The following NUP155 variants were observed in gnomAD, a reference collection of about 807,000 sequenced individuals.
NUP155 encodes nuclear pore complex protein Nup155.
NUP155 carries 71 observed loss-of-function variants against 180.4 expected under a neutral mutation model. That is an observed-to-expected ratio of 0.39 (90% CI 0.33 to 0.48). NUP155 has a LOEUF of 0.48. Among genes scored for constraint, NUP155 ranks in the 20% least tolerant of loss-of-function variants. The probability of loss-of-function intolerance (pLI) is 0.91; values close to 1 mark genes in which losing one functional copy is unlikely to be tolerated. For synonymous variants in NUP155, 582 were observed against 559.5 expected (o/e 1.04, Z -0.57); for missense variants, 1,553 against 1,648.9 (o/e 0.94, Z 1.01).
In NUP155 at chr5:37,355,048, T is replaced by C. The variant is rs189187303; in HGVS notation, c.464-2219A>G. On this transcript the variant is annotated intron_variant, in intron 4 of 34. Transcript: ENST00000231498. ...CGGAGGTTGCAGTGAGCCGAGATCG[T>C]GCCATTGCACTCCAGCCTGGGCGAC... Among the ~76,000 whole-genome samples, 808 of 149,134 alleles carry C rather than the reference T, an allele frequency of 5.4e-3. 3 individuals carry two copies. The highest frequency in any genetic ancestry group is 7.1e-3 in the Non-Finnish European group (479 of 67,174).
rs1487766018 is a variant in NUP155, at chr5:37,341,246, A to C, written c.1094-4T>G. ...GTGCTAAAATATAACCTAACACCTG[A>C]AGATGGGGTAAAATTATGCATCAGT... is the stretch of plus-strand genomic sequence containing the variant. On this transcript the variant is annotated splice_region_variant and splice_polypyrimidine_tract_variant and intron_variant, in intron 10 of 34. Coordinates refer to ENST00000231498, the MANE Select transcript of NUP155 (RefSeq NM_153485.3). 1 of 1,613,502 alleles carries C rather than the reference A, an allele frequency of 6.2e-7. No individual in the cohort carries two copies. Among genetic ancestry groups the C allele is most frequent in the African/African-American group, 1.3e-5 (1 of 74,938 alleles).
At chr5:37,326,016 A>G (rs1238079025) in intron 18 of NUP155, 49 bp from the exon 19 acceptor site, 11 of 1,245,610 alleles carry the variant, frequency 8.8e-6, no homozygotes, top group Non-Finnish European at 1.3e-5. Flanking sequence ...AATAAAAACA[A>G]TTACAATAAA....
chr5:37,339,011 A>C (rs1745537898), intron 11 of NUP155, among the ~76,000 whole-genome samples: 1 of 152,156 alleles, frequency 6.6e-6, no homozygotes, highest in African/African-American at 2.4e-5. Flanking sequence ...TGGTTAATTC[A>C]AACACACCAT....
intron 9 of NUP155, among the ~76,000 whole-genome samples, chr5:37,343,616 T>C (rs1581188838): frequency 6.6e-6 from 1 of 152,040 alleles, no homozygotes; most frequent in East Asian, 1.9e-4. Context: ...AAAGGCCAGG[T>C]GCAGTGACTC....
chr5:37,353,069 A>G (rs926273103), intron 4 of NUP155, among the ~76,000 whole-genome samples: 1 of 152,114 alleles, frequency 6.6e-6, no homozygotes, highest in Admixed American at 6.6e-5. Context: ...GAACCACCTT[A>G]GAAAACAATC....
chr5:37,305,334 T>G, intron 25 of NUP155, 124 bp from the exon 26 acceptor site: 2 of 813,742 alleles, frequency 2.5e-6, no homozygotes, highest in South Asian at 3.0e-5. Context: ...GGCTTGAGGC[T>G]GGGAGTTCAA....
chr5:37,304,112 T>C (rs912477691), intron 27 of NUP155, among the ~76,000 whole-genome samples: 2 of 151,098 alleles, frequency 1.3e-5, no homozygotes, highest in African/African-American at 4.9e-5. Context: ...TAGCTGTGCG[T>C]GGTGGCGGGT....
chr5:37,350,174 G>A lies in NUP155; in HGVS notation c.815C>T (p.Thr272Met), dbSNP rs781125108. Reference sequence around the variant, plus strand: ...TTTCTACTTACCATCTTCTGAGAACGTGAATTGTAGCAAGGAAGGAACAAG... The same window carrying A: ...TTTCTACTTACCATCTTCTGAGAACATGAATTGTAGCAAGGAAGGAACAAG... Reference protein sequence around the residue: ...SFLVPSLLQFTFSEDDPILQI... With the variant: ...SFLVPSLLQFMFSEDDPILQI... The change falls in exon 7 of 35, where the codon ACG (threonine) becomes ATG (methionine). Residue 272 changes from threonine to methionine, a missense_variant. By Grantham distance (81) the Thr-to-Met change is moderately conservative. Coordinates refer to ENST00000231498, the MANE Select transcript of NUP155 (RefSeq NM_153485.3). The A allele has an allele frequency of 3.9e-5, 63 of 1,611,984 alleles. No homozygotes were observed. The highest frequency in any genetic ancestry group is 2.0e-4 in the East Asian group (9 of 44,812).
chr5:37,327,686 T>A lies in NUP155; in HGVS notation c.1967A>T (p.Glu656Val). ...ATNMSCVTGP[E>V]IVYSGKHNGI... ...ATTGTGTTTTCCAGAGTACACAATC[T>A]CTGGTCCAGTCACACAACTCATATT... Residue 656 changes from glutamate (E) to valine (V), a missense_variant, in exon 18 of 35, where the codon GAG (glutamate) becomes GTG (valine). Glu to Val is a moderately radical substitution (Grantham distance 121). Coordinates refer to ENST00000231498, the MANE Select transcript of NUP155 (RefSeq NM_153485.3). The A allele has an allele frequency of 1.2e-6, 2 of 1,614,116 alleles. No homozygotes were observed. Among genetic ancestry groups the A allele is most frequent in the South Asian group, 1.1e-5 (1 of 91,076 alleles).
chr5:37,361,181 T>TG (rs1335802220), intron 3 of NUP155, among the ~76,000 whole-genome samples: 1 of 145,882 alleles, frequency 6.9e-6, no homozygotes, highest in African/African-American at 2.6e-5. Context: ...AGGCAAGAAG[T>TG]GCTTGAACCC....
At chr5:37,370,585 T>C (rs1156444075) in intron 1 of NUP155, 3 of 1,299,820 alleles carry the variant, frequency 2.3e-6, no homozygotes, top group Admixed American at 2.7e-5. Context: ...TCTTTGCCTC[T>C]TTCTGCTTCA....
chr5:37,332,145 GCTA>G (rs1386599931), intron 13 of NUP155, among the ~76,000 whole-genome samples: 1 of 133,314 alleles, frequency 7.5e-6, no homozygotes, highest in Non-Finnish European at 1.5e-5. Flanking sequence ...TAATCATGTT[GCTA>G]CTATTTATAT....
chr5:37,292,217 AT>A (rs879236027), intron 34 of NUP155, among the ~76,000 whole-genome samples, 179 bp from the exon 35 acceptor site: 2,487 of 143,642 alleles, frequency 0.017, 44 homozygotes, highest in African/African-American at 0.049. Flanking sequence ...CCATTTGAAG[AT>A]TTTTTTTTTT....
rs1745033874 is a variant in NUP155, at chr5:37,332,379, T to TGGCGCAATCTCGGCTCACTGCAAGC, written c.1519-609_1519-585dup. 3.7e-5 allele frequency among the ~76,000 whole-genome samples: 5 copies of TGGCGCAATCTCGGCTCACTGCAAGC among 136,476 alleles called. No homozygotes were observed. The South Asian group carries it at 1.2e-3, about 33-fold the overall frequency. The allele number at this position is 136,476 out of a possible 152,430, so 89.5% of individuals were successfully genotyped here. A position where few individuals can be genotyped will look rare whatever the true frequency, so the allele number is the denominator to read the frequency against. ...TACTGTCTCCCAGGCTGGAGTGCAGTGGCGCAATCTCGGCTCACTGCAAGC... is the reference window on the plus strand; with the variant it reads ...TACTGTCTCCCAGGCTGGAGTGCAGTGGCGCAATCTCGGCTCACTGCAAGCGGCGCAATCTCGGCTCACTGCAAGC... On this transcript the variant is annotated intron_variant, in intron 13 of 34. Coordinates refer to ENST00000231498, the MANE Select transcript of NUP155 (RefSeq NM_153485.3).
At chr5:37,358,910 G>C (rs1340187246) in intron 3 of NUP155, among the ~76,000 whole-genome samples, 1 of 152,016 alleles carries the variant, frequency 6.6e-6, no homozygotes, top group Non-Finnish European at 1.5e-5. Context: ...CCAGCTACTC[G>C]GGAGGGTGAG....
chr5:37,321,283 T>C (rs1744225742), intron 20 of NUP155, among the ~76,000 whole-genome samples: 1 of 152,046 alleles, frequency 6.6e-6, no homozygotes, highest in Admixed American at 6.5e-5. Context: ...GAGTTGGAGG[T>C]TGCAGTGAGC....
chr5:37,298,533 A>G (rs1742703793), intron 32 of NUP155, among the ~76,000 whole-genome samples: 1 of 152,242 alleles, frequency 6.6e-6, no homozygotes, highest in Admixed American at 6.5e-5. Flanking sequence ...TGAATCAATC[A>G]CAGATTACCT....
rs1743085749 is a variant in NUP155 at position 37,305,219 on chromosome 5, A to C, written c.2904-9T>G. On this transcript the variant is annotated splice_polypyrimidine_tract_variant and intron_variant, in intron 25 of 34. Coordinates refer to ENST00000231498, the MANE Select transcript of NUP155 (RefSeq NM_153485.3). ...ATTTGTAACTGTTTAATCTGAAAGA[A>C]AATGGAAAAGGAACAATTACATTAT... is the stretch of plus-strand genomic sequence containing the variant. 6.2e-7 allele frequency: 1 copy of C among 1,608,136 alleles called. No homozygotes were observed. Among genetic ancestry groups the C allele is most frequent in the Non-Finnish European group, 8.5e-7 (1 of 1,175,470 alleles).
chr5:37,333,992 G>T (rs1046794568), intron 12 of NUP155, among the ~76,000 whole-genome samples: 3 of 151,702 alleles, frequency 2.0e-5, no homozygotes, highest in Non-Finnish European at 4.4e-5. Context: ...GTGGGGACGG[G>T]GTTTCTCCAT....
Sources: gnomAD v4.1 joint callset for allele counts (sites outside exome capture counted in the v4.1 genomes callset) on GRCh38, gnomAD v4.1.1 for gene constraint, MANE v1.5 for transcripts, NCBI Gene and HGNC (gene_info 2026-07-23, HGNC 2026-07-21) for gene names.